Variants in ADAP1 observed in about 807,000 individuals in gnomAD.
ADAP1 encodes arf-GAP with dual PH domain-containing protein 1.
A neutral mutation model predicts 54.9 loss-of-function variants in ADAP1; 31 were observed. The observed-to-expected ratio is 0.56, with a 90% CI of 0.42 to 0.76. The LOEUF is 0.76. ADAP1 is among the 30% of genes least tolerant of loss of function. The pLI, the probability that ADAP1 is intolerant of heterozygous loss-of-function variation, is 0.00. For synonymous variants in ADAP1, 313 were observed against 202.6 expected (o/e 1.55, Z -4.63); for missense variants, 535 against 512.4 (o/e 1.04, Z -0.42).
intron 4 of ADAP1, among the ~76,000 whole-genome samples, chr7:915,229 A>ACCTGCACACCTTG (rs1554274111): frequency 4.0e-5 from 6 of 150,524 alleles, no homozygotes. Context: ...CTGCACTCAC[A>ACCTGCACACCTTG]CCTGCACACC....
Position 904,259 on chromosome 7 carries a change from T to C in ADAP1, c.515A>G (p.Lys172Arg). The change falls in exon 6 of 11, where the codon AAG becomes AGG. Residue 172 changes from lysine (K) to arginine (R), a missense_variant. Coordinates refer to ENST00000265846, the MANE Select transcript of ADAP1 (RefSeq NM_006869.4). ...CAGGTGCTCGATCTTCATCACGGCCTTGGGCTCCTTGGCCTGAGAAGGGGT... is the reference window on the plus strand; with the variant it reads ...CAGGTGCTCGATCTTCATCACGGCCCTGGGCTCCTTGGCCTGAGAAGGGGT... ...YFNRNDAKEP[K>R]AVMKIEHLNA... The C allele has an allele frequency of 1.9e-6, 3 of 1,596,518 alleles. No homozygotes were observed. Among genetic ancestry groups the C allele is most frequent in the East Asian group, 2.3e-5 (1 of 44,374 alleles).
chr7:902,779 A>ACCCTTGCCAACGAGGGT (rs553320723), intron 6 of ADAP1, among the ~76,000 whole-genome samples: 7,380 of 152,102 alleles, frequency 0.049, 182 homozygotes, highest in Non-Finnish European at 0.055. Flanking sequence ...AAGACGAGGG[A>ACCCTTGCCAACGAGGGT]CCCTTGCCAA....
chr7:923,373 C>T (rs1487399299), intron 3 of ADAP1: 2 of 151,882 alleles, frequency 1.3e-5, no homozygotes, highest in East Asian at 2.0e-4. Flanking sequence ...TTCCCTCACT[C>T]GCCCTGATCA....
At chr7:906,699 A>AGAAAGGAG (rs1845424040) in intron 4 of ADAP1, among the ~76,000 whole-genome samples, 3 of 33,754 alleles carry the variant, frequency 8.9e-5, no homozygotes, top group Admixed American at 6.3e-4. Context: ...GGGGACATGG[A>AGAAAGGAG]CATGGGGGAC....
At chr7:948,317 T>C (rs1847192356) in intron 1 of ADAP1, among the ~76,000 whole-genome samples, 1 of 151,938 alleles carries the variant, frequency 6.6e-6, no homozygotes, top group Non-Finnish European at 1.5e-5. Context: ...AGCCCACCTC[T>C]GTACCCACCG....
intron 6 of ADAP1, 194 bp downstream of exon 6, chr7:903,932 C>T (rs551863889): frequency 1.2e-4 from 75 of 648,304 alleles, no homozygotes; most frequent in South Asian, 5.8e-4. Flanking sequence ...TGCTGCCCGG[C>T]GCCAGTGCCC....
chr7:920,772 A>G lies in ADAP1; in HGVS notation c.306-722T>C. 1 of 1,548,304 alleles carries G rather than the reference A, an allele frequency of 6.5e-7. No homozygotes were observed. ...GCCACCCACCACGGCCTCCCCATCC[A>G]CCGTGACTCACTCGAGTGAAGCCAA... On this transcript the variant is annotated intron_variant, in intron 3 of 10. Coordinates refer to ENST00000265846, the MANE Select transcript of ADAP1 (RefSeq NM_006869.4). The surrounding 1 kb of genome is among the most constrained non-coding windows in gnomAD (Gnocchi z 4.5).
intron 5 of ADAP1, 101 bp downstream of exon 5, chr7:904,959 G>T: frequency 2.0e-6 from 2 of 1,005,474 alleles, no homozygotes; most frequent in South Asian, 1.3e-5. Flanking sequence ...GGGCAGCAGG[G>T]AGGGCAGCTG....
Position 905,086 on chromosome 7 carries a change from C to T in ADAP1, c.475G>A (p.Ala159Thr), listed in dbSNP as rs763903641. 1.9e-6 allele frequency: 3 copies of T among 1,611,934 alleles called. No individual in the cohort carries two copies. Among genetic ancestry groups the T allele is most frequent in the South Asian group, 2.2e-5 (2 of 91,092 alleles). ...RKFVLTEREG[A>T]LKYFNRNDAK... Reference sequence around the variant, plus strand: ...TCATTTCTGTTGAAATACTTCAGAGCACCCTCTCGTTCTGTCAGCACAAAC... The same window carrying T: ...TCATTTCTGTTGAAATACTTCAGAGTACCCTCTCGTTCTGTCAGCACAAAC... The change falls in exon 5 of 11, where the codon GCT (alanine) becomes ACT (threonine). Residue 159 changes from alanine to threonine, a missense_variant. By Grantham distance (58) the Ala-to-Thr change is moderately conservative (BLOSUM62 0). Transcript: ENST00000265846.
At chr7:950,485 CAAAA>C (rs59360722) in intron 1 of ADAP1, among the ~76,000 whole-genome samples, 7 of 93,092 alleles carry the variant, frequency 7.5e-5, no homozygotes, top group Non-Finnish European at 1.1e-4. Context: ...GACTCTGCCT[CAAAA>C]AAAAAAAAAA....
At chr7:937,720 C>T (rs1437983790) in intron 1 of ADAP1, among the ~76,000 whole-genome samples, 2 of 109,606 alleles carry the variant, frequency 1.8e-5, no homozygotes. Flanking sequence ...CATGCCCGAC[C>T]TCTGGGATTT....
chr7:937,365 G>A (rs189125042), intron 1 of ADAP1, among the ~76,000 whole-genome samples: 1 of 26,068 alleles, frequency 3.8e-5, no homozygotes, highest in Admixed American at 4.8e-4. Context: ...GGGTCACGCC[G>A]GGCCTCTGGG....
intron 2 of ADAP1, among the ~76,000 whole-genome samples, chr7:932,693 G>T (rs1332769529): frequency 2.0e-5 from 3 of 151,928 alleles, no homozygotes; most frequent in African/African-American, 7.3e-5. Flanking sequence ...GTCCCCCCCT[G>T]GGTCAGTGAA....
upstream of ADAP1, among the ~76,000 whole-genome samples, chr7:955,112 C>T (rs997792543): frequency 2.6e-5 from 4 of 152,120 alleles, no homozygotes; most frequent in Admixed American, 1.3e-4. Context: ...CAAACGCCAG[C>T]GTCCCAGGGC....
At chr7:925,664 G>T (rs1846357111) in intron 3 of ADAP1, among the ~76,000 whole-genome samples, 1 of 152,258 alleles carries the variant, frequency 6.6e-6, no homozygotes, top group South Asian at 2.1e-4. Context: ...GGCTGTCTCA[G>T]CCCCCGAGTC....
Position 945,221 on chromosome 7 carries a change from C to T in ADAP1, c.82+9175G>A, listed in dbSNP as rs1847107544. ...CTCCTTCTCAGGCTGCTGGGCATGG[C>T]CAGGCCTGCCTGCATCCGCAAATGC... is the stretch of plus-strand genomic sequence containing the variant. On this transcript the variant is annotated intron_variant, in intron 1 of 10. Coordinates refer to ENST00000265846, the MANE Select transcript of ADAP1 (RefSeq NM_006869.4). The surrounding 1 kb of genome is among the most constrained non-coding windows in gnomAD (Gnocchi z 4.2). 6.6e-6 allele frequency among the ~76,000 whole-genome samples: 1 copy of T among 152,212 alleles called. No homozygotes were observed.
chr7:916,278 G>C (rs559570817), intron 4 of ADAP1, among the ~76,000 whole-genome samples: 1 of 152,198 alleles, frequency 6.6e-6, no homozygotes, highest in African/African-American at 2.4e-5. Context: ...AGGAGATAGA[G>C]GTGCTGAAAC....
intron 4 of ADAP1, among the ~76,000 whole-genome samples, chr7:906,723 C>CATAG (rs1437279765): frequency 5.4e-5 from 1 of 18,470 alleles, no homozygotes; most frequent in African/African-American, 2.6e-4. Flanking sequence ...ACATCGGGGA[C>CATAG]GGGACATGGG....
At chr7:900,235 CCT>C in intron 7 of ADAP1, 71 bp from the exon 8 acceptor site, 14 of 1,574,724 alleles carry the variant, frequency 8.9e-6, no homozygotes, top group Non-Finnish European at 1.2e-5. Flanking sequence ...TGGCTGTGCC[CCT>C]CTGTGCTCCC....
Sources: allele counts gnomAD v4.1 joint callset (sites outside exome capture counted in the v4.1 genomes callset), GRCh38; gene constraint gnomAD v4.1.1; non-coding constraint Gnocchi (gnomAD v3.1); transcripts MANE v1.5; gene names NCBI Gene and HGNC (gene_info 2026-07-23, HGNC 2026-07-21).